Variants in MCF2 observed in about 807,000 individuals in gnomAD.
MCF2 encodes proto-oncogene DBL.
A neutral mutation model predicts 82.5 loss-of-function variants in MCF2; 44 were observed. The ratio of observed to expected loss-of-function variants is 0.53; its 90% CI spans 0.42 to 0.69. MCF2 has a LOEUF of 0.69. Ranked by LOEUF, MCF2 falls within the 30% of genes least tolerant of loss-of-function variation. The probability of loss-of-function intolerance (pLI) is 0.00; values close to 1 mark genes in which losing one functional copy is unlikely to be tolerated. For synonymous variants in MCF2, 217 were observed against 224.9 expected (o/e 0.96, Z 0.32); for missense variants, 623 against 663.1 (o/e 0.94, Z 0.66).
exon 5 of MCF2, chrX:139,626,737 G>A (rs1484502257): frequency 1.7e-6 from 2 of 1,206,955 alleles, no homozygotes; most frequent in Admixed American, 2.2e-5. Context: ...TCCTTCTTTG[G>A]TTACAGCTGT....
Position 139,609,386 on chromosome X carries a change from A to T in MCF2, c.1401+915T>A, listed in dbSNP as rs774924357. Reference sequence around the variant, plus strand: ...ATAGCAAGACCCTGTCTATCAAAAAAAGTGTTAAAAATATTAGCCTGGCAT... The same window carrying T: ...ATAGCAAGACCCTGTCTATCAAAAATAGTGTTAAAAATATTAGCCTGGCAT... On this transcript the variant is annotated intron_variant, in intron 11 of 24. Transcript: ENST00000370576. 2.1e-4 allele frequency among the ~76,000 whole-genome samples: 23 copies of T among 111,594 alleles called. No homozygotes were observed. In the South Asian group the frequency reaches 8.7e-3, roughly 42 times the overall value.
Position 139,628,082 on chromosome X carries a change from G to T in MCF2, c.439-1326C>A, listed in dbSNP as rs190541705. Among the ~76,000 whole-genome samples the T allele has an allele frequency of 1.6e-3, 182 of 111,981 alleles. 1 individual carries two copies. Among genetic ancestry groups the T allele is most frequent in the African/African-American group, 5.6e-3 (172 of 30,877 alleles). On this transcript the variant is annotated intron_variant, in intron 4 of 24. Transcript: ENST00000370576. The stretch of plus-strand genomic sequence containing the variant: ...AAGCAGTCTGGAGATTTCTCAAAGA[G>T]CTTAAAACAGAACACCATTCAACCC...
chrX:139,585,623 T>C (rs143274733), intron 23 of MCF2, among the ~76,000 whole-genome samples: 1,946 of 112,176 alleles, frequency 0.017, 27 homozygotes, highest in Non-Finnish European at 0.029. Context: ...AAGAAGTCTA[T>C]GCTGTTGATC....
rs189124288 is a variant in MCF2 at position 139,682,736 on chromosome X, C to T, written c.-45+25370G>A. Among the ~76,000 whole-genome samples, 41 of 111,835 alleles carry T rather than the reference C, an allele frequency of 3.7e-4. 1 individual carries two copies. Among genetic ancestry groups the T allele is most frequent in the Non-Finnish European group, 7.0e-4 (37 of 53,183 alleles). ...GCCTCTCATTTCTTCTGTTATCCCA[C>T]CCCAGTCCTACACAGACGTGCCTGC... is the stretch of plus-strand genomic sequence containing the variant. On this transcript the variant is annotated intron_variant, in intron 1 of 27. Coordinates refer to the MCF2 transcript ENST00000414978.
At chrX:139,677,255 G>T (rs1934889874) in intron 1 of MCF2, among the ~76,000 whole-genome samples, 1 of 111,459 alleles carries the variant, frequency 9.0e-6, no homozygotes, top group Non-Finnish European at 1.9e-5. Context: ...AAGAATCAGG[G>T]GAGAAGAAAC....
chrX:139,614,220 T>G (rs866754036), intron 10 of MCF2, among the ~76,000 whole-genome samples: 1 of 111,462 alleles, frequency 9.0e-6, no homozygotes. Flanking sequence ...TCCATAGAAC[T>G]TAGAAAGAAA....
rs767147888 is a variant in MCF2, at chrX:139,651,920, C to T, written c.-44-132G>A. 4.0e-4 allele frequency: 155 copies of T among 385,585 alleles called. 1 individual carries two copies. The highest frequency in any genetic ancestry group is 2.3e-3 in the Middle Eastern group (3 of 1,321). 31.8% of individuals were successfully genotyped at this position (385,585 alleles called of 1,213,427 possible). A position where few individuals can be genotyped will look rare whatever the true frequency, so the allele number is the denominator to read the frequency against. On this transcript the variant is annotated intron_variant, in intron 1 of 27. Coordinates refer to the MCF2 transcript ENST00000414978. ...ACAGGTCTGTGTCCACAGACACTGT[C>T]GATCTCTTTCCTCCTCTCAACTACA...
intron 2 of MCF2, among the ~76,000 whole-genome samples, chrX:139,649,099 TTTC>T (rs1470941523): frequency 8.9e-6 from 1 of 112,493 alleles, no homozygotes; most frequent in African/African-American, 3.2e-5. Flanking sequence ...CAGAATACAC[TTTC>T]TTCTCTAGTG....
intron 1 of MCF2, among the ~76,000 whole-genome samples, chrX:139,668,637 T>C (rs1280412226): frequency 9.0e-6 from 1 of 111,618 alleles, no homozygotes; most frequent in Non-Finnish European, 1.9e-5. Context: ...TTCCTGTCAC[T>C]CTTCTGTTGA....
At chrX:139,677,459 CTTCAGTTGAA>C (rs761185571) in intron 1 of MCF2, among the ~76,000 whole-genome samples, 4 of 112,233 alleles carry the variant, frequency 3.6e-5, no homozygotes, top group Non-Finnish European at 7.5e-5. Context: ...GCCTTATGAC[CTTCAGTTGAA>C]TTCTTTCTTC....
chrX:139,700,930 G>C (rs775901003), intron 1 of MCF2, among the ~76,000 whole-genome samples: 7 of 111,505 alleles, frequency 6.3e-5, no homozygotes, highest in Middle Eastern at 4.6e-3. Flanking sequence ...TGCTGTGAAG[G>C]GTAGGAGTGA....
chrX:139,657,948 A>G (rs1339103398), intron 1 of MCF2, among the ~76,000 whole-genome samples: 1 of 111,757 alleles, frequency 8.9e-6, no homozygotes, highest in Non-Finnish European at 1.9e-5. Flanking sequence ...TAGCATTCAA[A>G]CAAAGGCCAA....
At chrX:139,707,217 G>T (rs191294734) in intron 1 of MCF2, among the ~76,000 whole-genome samples, 49 of 110,156 alleles carry the variant, frequency 4.4e-4, no homozygotes, top group Non-Finnish European at 8.1e-4. Context: ...CAAGAACCTT[G>T]CATATCAGAG....
intron 10 of MCF2, among the ~76,000 whole-genome samples, chrX:139,612,674 T>C (rs893696804): frequency 8.9e-6 from 1 of 112,214 alleles, no homozygotes; most frequent in Non-Finnish European, 1.9e-5. Flanking sequence ...TAAGAAATTG[T>C]TTGGAATGGA....
intron 1 of MCF2, chrX:139,692,259 G>T: frequency 2.4e-6 from 1 of 421,534 alleles, no homozygotes; most frequent in South Asian, 3.4e-5. Context: ...CCGCCGCTGG[G>T]CACTCAGGCA....
chrX:139,681,065 C>T, intron 1 of MCF2, among the ~76,000 whole-genome samples: 1 of 112,452 alleles, frequency 8.9e-6, no homozygotes. Flanking sequence ...CCCAAATATG[C>T]ATATTCCTTC....
At chrX:139,588,173 T>C (rs536369176) in intron 21 of MCF2, among the ~76,000 whole-genome samples, 187 bp downstream of exon 25, 8 of 111,757 alleles carry the variant, frequency 7.2e-5, no homozygotes, top group African/African-American at 2.6e-4. Flanking sequence ...TAGTGTAAAG[T>C]TCATTCTTCA....
At position 139,700,023 on chromosome X, in the gene MCF2, C is replaced by G. The variant is rs185022969; in HGVS notation, c.-45+8083G>C. Among the ~76,000 whole-genome samples, 562 of 111,272 alleles carry G rather than the reference C, an allele frequency of 5.1e-3. 2 individuals are homozygous for G. Among genetic ancestry groups the G allele is most frequent in the Non-Finnish European group, 8.2e-3 (434 of 53,074 alleles). On this transcript the variant is annotated intron_variant, in intron 1 of 27. Transcript: ENST00000414978. ...CGAGCATCTTTTTCTGTTTCCTAGT[C>G]ATTTATGTGTTCTTTCAGAGTCTGT...
intron 19 of MCF2, among the ~76,000 whole-genome samples, chrX:139,591,804 G>A: frequency 9.1e-6 from 1 of 109,369 alleles, no homozygotes; most frequent in Middle Eastern, 4.6e-3. Context: ...TCAGTACCTG[G>A]GTGATGGGAT....
Sources: gnomAD v4.1 joint callset for allele counts (sites outside exome capture counted in the v4.1 genomes callset) on GRCh38, gnomAD v4.1.1 for gene constraint, MANE v1.5 for transcripts, NCBI Gene and HGNC (gene_info 2026-07-23, HGNC 2026-07-21) for gene names.